The following ROBO1 variants were observed in gnomAD, a reference collection of about 807,000 sequenced individuals.
The protein encoded by ROBO1 is roundabout homolog 1.
A neutral mutation model predicts 195.9 loss-of-function variants in ROBO1; 149 were observed. The ratio of observed to expected loss-of-function variants is 0.76; its 90% CI spans 0.67 to 0.87. The LOEUF is 0.87. Ranked by LOEUF, ROBO1 falls within the 40% of genes least tolerant of loss-of-function variation. ROBO1 has a pLI of 0.00. For synonymous variants in ROBO1, 816 were observed against 733.2 expected, an observed-to-expected ratio of 1.11 and a Z score of -1.82; for missense variants, 1,933 against 2,068.3, an observed-to-expected ratio of 0.93 and a Z score of 1.27.
chr3:79,468,699 G>A (rs1559920929), intron 2 of ROBO1, among the ~76,000 whole-genome samples: 1 of 152,036 alleles, frequency 6.6e-6, no homozygotes, highest in Non-Finnish European at 1.5e-5. Flanking sequence ...ATGTGAGAAT[G>A]ACCAGTTCCT....
chr3:79,575,673 G>A (rs1943462125), intron 2 of ROBO1, among the ~76,000 whole-genome samples: 1 of 149,800 alleles, frequency 6.7e-6, no homozygotes, highest in Non-Finnish European at 1.5e-5. Flanking sequence ...GATGCCTAAA[G>A]GAAAAAATGT....
chr3:79,533,912 A>C (rs2107619186), intron 2 of ROBO1, among the ~76,000 whole-genome samples: 1 of 152,200 alleles, frequency 6.6e-6, no homozygotes, highest in South Asian at 2.1e-4. Context: ...ACAGGGCAGA[A>C]GAGAATTAAT....
chr3:79,462,728 A>G (rs1937717732), intron 2 of ROBO1, among the ~76,000 whole-genome samples: 1 of 152,226 alleles, frequency 6.6e-6, no homozygotes, highest in Non-Finnish European at 1.5e-5. Flanking sequence ...TGTGAAAACA[A>G]TATCTACACT....
intron 4 of ROBO1, among the ~76,000 whole-genome samples, chr3:78,783,232 T>A (rs2083733001): frequency 1.3e-5 from 2 of 152,112 alleles, no homozygotes; most frequent in South Asian, 4.1e-4. Context: ...ATCATCCACC[T>A]CCTCTGAGTC....
At chr3:79,358,879 G>A (rs1039182726) in intron 2 of ROBO1, among the ~76,000 whole-genome samples, 3 of 151,960 alleles carry the variant, frequency 2.0e-5, no homozygotes, top group Non-Finnish European at 4.4e-5. Context: ...CACTATTGAC[G>A]TATTTTACTG....
At chr3:79,726,648 A>T (rs559732728) in intron 1 of ROBO1, among the ~76,000 whole-genome samples, 22 of 152,308 alleles carry the variant, frequency 1.4e-4, no homozygotes, top group Middle Eastern at 3.4e-3. Flanking sequence ...TCTAAAAAAA[A>T]TTACCTTTTA....
intron 2 of ROBO1, among the ~76,000 whole-genome samples, chr3:79,531,523 T>C (rs760622407): frequency 2.0e-5 from 3 of 152,152 alleles, no homozygotes; most frequent in Non-Finnish European, 4.4e-5. Flanking sequence ...CTCGGTATGC[T>C]GAGGAATGAA....
intron 2 of ROBO1, among the ~76,000 whole-genome samples, chr3:79,466,999 G>C (rs182332194): frequency 7.1e-4 from 108 of 152,200 alleles, no homozygotes; most frequent in African/African-American, 2.5e-3. Context: ...ACAAAATGAA[G>C]GCTAGTAATA....
At chr3:78,833,254 C>A (rs1559903903) in intron 4 of ROBO1, among the ~76,000 whole-genome samples, 1 of 152,016 alleles carries the variant, frequency 6.6e-6, no homozygotes, top group African/African-American at 2.4e-5. Flanking sequence ...AAAACTAGTT[C>A]ATAAAGTAAG....
chr3:79,503,447 C>T (rs1940221778), intron 2 of ROBO1, among the ~76,000 whole-genome samples: 4 of 152,190 alleles, frequency 2.6e-5, no homozygotes, highest in African/African-American at 9.7e-5. Flanking sequence ...AGACCAAGAA[C>T]CTACCAATTC....
intron 1 of ROBO1, among the ~76,000 whole-genome samples, chr3:79,686,487 A>C (rs1487565790): frequency 6.6e-6 from 1 of 152,200 alleles, no homozygotes; most frequent in Non-Finnish European, 1.5e-5. Flanking sequence ...GTCTCAGCCC[A>C]AAATCTCCTT....
intron 2 of ROBO1, among the ~76,000 whole-genome samples, chr3:79,319,544 G>A (rs974882450): frequency 6.6e-6 from 1 of 151,964 alleles, no homozygotes; most frequent in African/African-American, 2.4e-5. Flanking sequence ...TATAATTAAT[G>A]CATTAAAACC....
chr3:79,009,095 A>G (rs2077710094), intron 3 of ROBO1, among the ~76,000 whole-genome samples: 1 of 147,714 alleles, frequency 6.8e-6, no homozygotes, highest in Non-Finnish European at 1.5e-5. Context: ...TGCCCACCAC[A>G]ACGCCCAGCT....
intron 9 of ROBO1, among the ~76,000 whole-genome samples, chr3:78,687,578 G>A (rs2081079083): frequency 6.6e-6 from 1 of 152,116 alleles, no homozygotes; most frequent in African/African-American, 2.4e-5. Flanking sequence ...GTTAAAAATG[G>A]ATGAGAATTG....
intron 27 of ROBO1, among the ~76,000 whole-genome samples, 170 bp from the exon 28 acceptor site, chr3:78,614,970 T>G (rs962869384): frequency 1.3e-5 from 2 of 152,230 alleles, no homozygotes; most frequent in Non-Finnish European, 1.5e-5. Context: ...GTTGTCACTC[T>G]GCTATTTACT....
chr3:79,324,410 A>G (rs993130014), intron 2 of ROBO1, among the ~76,000 whole-genome samples: 1 of 152,192 alleles, frequency 6.6e-6, no homozygotes, highest in African/African-American at 2.4e-5. Flanking sequence ...ATATATAAAT[A>G]AAATGACTGC....
At chr3:79,645,529 T>C (rs533743056) in intron 1 of ROBO1, among the ~76,000 whole-genome samples, 1 of 152,138 alleles carries the variant, frequency 6.6e-6, no homozygotes, top group East Asian at 1.9e-4. Context: ...TAATTAATAT[T>C]GTTAAAGTGT....
At chr3:79,236,708 G>C (rs2082412453) in intron 2 of ROBO1, among the ~76,000 whole-genome samples, 1 of 152,164 alleles carries the variant, frequency 6.6e-6, no homozygotes, top group South Asian at 2.1e-4. Context: ...CACAGGCTCT[G>C]TGGTATGCAT....
rs11445603 is a variant in ROBO1, at chr3:78,627,954, C to CTTT, written c.3627-388_3627-386dup. 6.3e-5 allele frequency among the ~76,000 whole-genome samples: 9 copies of CTTT among 143,428 alleles called. 1 individual carries two copies. The highest frequency in any genetic ancestry group is 4.1e-4 in the East Asian group (2 of 4,870). 94.1% of individuals were successfully genotyped at this position (143,428 alleles called of 152,430 possible). On this transcript the variant is annotated intron_variant, in intron 25 of 30. Transcript: ENST00000464233. ...CTGCTACATTTAGAGAAAAATTACT[C>CTTT]TTTTTTTTTTTTTTTTGAGATGGAG... is the stretch of plus-strand genomic sequence containing the variant.
Sources: allele counts gnomAD v4.1 joint callset (sites outside exome capture counted in the v4.1 genomes callset), GRCh38; gene constraint gnomAD v4.1.1; transcripts MANE v1.5; gene names NCBI Gene and HGNC (gene_info 2026-07-23, HGNC 2026-07-21).